Variants in SLC35C1 observed in about 807,000 individuals in gnomAD.
The protein encoded by SLC35C1 is GDP-fucose transporter 1.
A neutral mutation model predicts 23.2 loss-of-function variants in SLC35C1; 8 were observed. The ratio of observed to expected loss-of-function variants is 0.35; its 90% CI spans 0.20 to 0.62. The LOEUF (loss-of-function observed/expected upper bound fraction) is 0.62, where lower values mean the gene tolerates loss of function less well. Among genes scored for constraint, SLC35C1 ranks in the 20% least tolerant of loss-of-function variants. The probability of loss-of-function intolerance (pLI) is 0.75; values close to 1 mark genes in which losing one functional copy is unlikely to be tolerated. For synonymous variants in SLC35C1, 226 were observed against 225.1 expected (o/e 1.00, Z -0.04); for missense variants, 422 against 478.6 (o/e 0.88, Z 1.10).
Position 45,811,664 on chromosome 11 carries a change from C to T in SLC35C1, c.*329C>T, listed in dbSNP as rs1339109049. On this transcript the variant is annotated 3_prime_UTR_variant, in exon 2 of 2. Coordinates refer to ENST00000314134, the MANE Select transcript of SLC35C1 (RefSeq NM_018389.5). ...TCTGCCTCCAGGGCCTGTCTGCCTC[C>T]ACATCACTCTGAGGACAGGGACAGG... is the stretch of plus-strand genomic sequence containing the variant. The T allele has an allele frequency of 1.1e-5, 3 of 261,810 alleles. No individual in the cohort carries two copies. Among genetic ancestry groups the T allele is most frequent in the Non-Finnish European group, 2.2e-5 (3 of 136,674 alleles). 16.2% of individuals were successfully genotyped at this position (261,810 alleles called of 1,614,324 possible).
At position 45,811,623 on chromosome 11, in the gene SLC35C1, A is replaced by T; in HGVS notation, c.*288A>T. 2.9e-6 allele frequency: 1 copy of T among 350,014 alleles called. No homozygotes were observed. The highest frequency in any genetic ancestry group is 4.5e-5 in the East Asian group (1 of 22,124). The allele number at this position is 350,014 out of a possible 1,614,324, so 21.7% of individuals were successfully genotyped here. On this transcript the variant is annotated 3_prime_UTR_variant, in exon 2 of 2. Transcript: ENST00000314134. ...CTTCCCGAGGGAGCACCCTAGTGAG[A>T]GTTGAACCCCTTCCTTCTGCCTCCA...
intron 1 of SLC35C1, chr11:45,807,043 G>C (rs747339873): frequency 6.1e-6 from 2 of 330,384 alleles, no homozygotes; most frequent in Admixed American, 6.5e-5. Flanking sequence ...CATCTCCTTT[G>C]TTCTCCCAGA....
chr11:45,804,768 A>G, upstream of SLC35C1: 1 of 985,598 alleles, frequency 1.0e-6, no homozygotes. Flanking sequence ...CTGCAACGCG[A>G]GTCTCCGGAG....
In SLC35C1 at chr11:45,810,671, G is replaced by A. The variant is rs573486824; in HGVS notation, c.536-105G>A. The stretch of plus-strand genomic sequence containing the variant: ...GGCCTGGGGAGGAACGGGGAGGGCC[G>A]CAATACTCAGTCTGTGAAATTTGGT... On this transcript the variant is annotated intron_variant, in intron 1 of 1. Transcript: ENST00000314134. 6.7e-6 allele frequency: 10 copies of A among 1,482,988 alleles called. No individual in the cohort carries two copies. The African/African-American group carries it at 6.9e-5, about 10-fold the overall frequency. The allele number at this position is 1,482,988 out of a possible 1,614,324, so 91.9% of individuals were successfully genotyped here.
rs1274130025 is a variant in SLC35C1 at position 45,811,983 on chromosome 11, G to C, written c.*648G>C. The C allele has an allele frequency of 6.3e-6, 1 of 157,772 alleles. No individual in the cohort carries two copies. The highest frequency in any genetic ancestry group is 6.0e-5 in the Admixed American group (1 of 16,642). The allele number at this position is 157,772 out of a possible 1,614,324, so 9.8% of individuals were successfully genotyped here. ...TGCTCACCATCTATACACCCTGTAT[G>C]TCCAGCTTTTGAACACAAGGGAACC... On this transcript the variant is annotated 3_prime_UTR_variant, in exon 2 of 2. Coordinates refer to ENST00000314134, the MANE Select transcript of SLC35C1 (RefSeq NM_018389.5).
intron 1 of SLC35C1, among the ~76,000 whole-genome samples, chr11:45,807,856 A>G (rs2085894229): frequency 6.6e-6 from 1 of 152,160 alleles, no homozygotes; most frequent in African/African-American, 2.4e-5. Context: ...TGTCCTCCTC[A>G]GATGCCCCAG....
Position 45,811,427 on chromosome 11 carries a change from C to T in SLC35C1, c.*92C>T, listed in dbSNP as rs2134599274. ...AAGGCGGTCTCCTGGACCCCAGAAG[C>T]GTGCTGTGGTGTGGACTGGGTGCTA... is the stretch of plus-strand genomic sequence containing the variant. On this transcript the variant is annotated 3_prime_UTR_variant, in exon 2 of 2. Transcript: ENST00000314134. 4 of 1,121,068 alleles carry T rather than the reference C, an allele frequency of 3.6e-6. No individual in the cohort carries two copies. Among genetic ancestry groups the T allele is most frequent in the Admixed American group, 2.9e-5 (1 of 34,502 alleles). The allele number at this position is 1,121,068 out of a possible 1,614,324, so 69.4% of individuals were successfully genotyped here.
chr11:45,810,674 A>G (rs2085928866), intron 1 of SLC35C1, 102 bp from the exon 2 acceptor site: 1 of 1,491,742 alleles, frequency 6.7e-7, no homozygotes, highest in African/African-American at 1.4e-5. Context: ...GAGGGCCGCA[A>G]TACTCAGTCT....
rs2085856333 is a variant in SLC35C1 at position 45,805,262 on chromosome 11, C to T, written c.-540C>T. On this transcript the variant is annotated 5_prime_UTR_variant, in exon 1 of 2. Coordinates refer to ENST00000314134, the MANE Select transcript of SLC35C1 (RefSeq NM_018389.5). ...TCCTTCAGCCCCAAGCCCCGAGCCC[C>T]TCTGACCCTTCCGCAGCCCTCCCTC... 7.7e-6 allele frequency: 8 copies of T among 1,039,084 alleles called. No individual in the cohort carries two copies. In the South Asian group the frequency reaches 2.3e-4, roughly 29 times the overall value. 64.4% of individuals were successfully genotyped at this position (1,039,084 alleles called of 1,614,324 possible). A position where few individuals can be genotyped will look rare whatever the true frequency, so the allele number is the denominator to read the frequency against.
chr11:45,806,988 T>G, intron 1 of SLC35C1: 1 of 684,422 alleles, frequency 1.5e-6, no homozygotes, highest in Non-Finnish European at 1.8e-6. Context: ...CCTCAGAAAA[T>G]AATAATTATT....
Position 45,812,582 on chromosome 11 carries a change from A to G in SLC35C1, c.*1247A>G, listed in dbSNP as rs1206949026. On this transcript the variant is annotated 3_prime_UTR_variant, in exon 2 of 2. Coordinates refer to ENST00000314134, the MANE Select transcript of SLC35C1 (RefSeq NM_018389.5). ...GCCTTCTCGCTGTATCCTCAATGGT[A>G]GAAGCACAAACAAGCAAGCTCCTTC... 4.4e-6 allele frequency: 2 copies of G among 456,042 alleles called. No homozygotes were observed. The highest frequency in any genetic ancestry group is 8.8e-6 in the Non-Finnish European group (2 of 226,780). 28.2% of individuals were successfully genotyped at this position (456,042 alleles called of 1,614,324 possible). A position where few individuals can be genotyped will look rare whatever the true frequency, so the allele number is the denominator to read the frequency against.
chr11:45,811,345 G>A lies in SLC35C1; in HGVS notation c.*10G>A, dbSNP rs2085946211. 1 of 1,497,626 alleles carries A rather than the reference G, an allele frequency of 6.7e-7. No homozygotes were observed. Among genetic ancestry groups the A allele is most frequent in the Admixed American group, 2.4e-5 (1 of 42,530 alleles). The allele number at this position is 1,497,626 out of a possible 1,614,324, so 92.8% of individuals were successfully genotyped here. On this transcript the variant is annotated 3_prime_UTR_variant, in exon 2 of 2. Transcript: ENST00000314134. ...CGCCATGGGGGTGTGAGCACCACAG[G>A]CACCCTGGATGGCCCGGCCCCGGGG...
rs2085858494 is a variant in SLC35C1, at chr11:45,805,398, G to C, written c.-404G>C. On this transcript the variant is annotated 5_prime_UTR_variant, in exon 1 of 2. Transcript: ENST00000314134. ...TCGGCACCTCTTCCCACTCTGCCACGCGTCCTTTTCCTGCACCTTCGCCCC... is the reference window on the plus strand; with the variant it reads ...TCGGCACCTCTTCCCACTCTGCCACCCGTCCTTTTCCTGCACCTTCGCCCC... 2 of 963,378 alleles carry C rather than the reference G, an allele frequency of 2.1e-6. No individual in the cohort carries two copies. Among genetic ancestry groups the C allele is most frequent in the African/African-American group, 2.1e-5 (1 of 47,670 alleles). 59.7% of individuals were successfully genotyped at this position (963,378 alleles called of 1,614,324 possible).
In SLC35C1 at chr11:45,807,135, T is replaced by A. The variant is rs113568913; in HGVS notation, c.535+799T>A. ...TGAGGCTCAGAGATGTTACATTACT[T>A]GCCCACGGCCACACAGCTAGCAAGC... On this transcript the variant is annotated intron_variant, in intron 1 of 1. Coordinates refer to ENST00000314134, the MANE Select transcript of SLC35C1 (RefSeq NM_018389.5). Among the ~76,000 whole-genome samples the A allele has an allele frequency of 1.6e-3, 239 of 152,260 alleles. 2 individuals are homozygous for A. Among genetic ancestry groups the A allele is most frequent in the African/African-American group, 4.7e-3 (196 of 41,552 alleles).
rs1251068718 is a variant in SLC35C1 at position 45,811,508 on chromosome 11, T to TA, written c.*174dup. ...AGAAGGAACCAGTGTTTACAAGTAATATCAGAAAGTTGAAGGAACCAGTGT... is the reference window on the plus strand; with the variant it reads ...AGAAGGAACCAGTGTTTACAAGTAATAATCAGAAAGTTGAAGGAACCAGTGT... On this transcript the variant is annotated 3_prime_UTR_variant, in exon 2 of 2. Coordinates refer to ENST00000314134, the MANE Select transcript of SLC35C1 (RefSeq NM_018389.5). 5.7e-6 allele frequency: 3 copies of TA among 521,758 alleles called. No homozygotes were observed. The highest frequency in any genetic ancestry group is 9.8e-6 in the Non-Finnish European group (3 of 304,968). The allele number at this position is 521,758 out of a possible 1,614,324, so 32.3% of individuals were successfully genotyped here.
chr11:45,810,985 C>T lies in SLC35C1; in HGVS notation c.745C>T (p.Leu249Phe), dbSNP rs1324726967. The T allele has an allele frequency of 2.5e-6, 4 of 1,612,780 alleles. No homozygotes were observed. In the African/African-American group the frequency reaches 5.3e-5, roughly 22 times the overall value. Reference sequence around the variant, plus strand: ...CCTCTTCCTGCCCCTGCTCCTGCTGCTCGGGGAGCTTCAGGCCCTGCGTGA... The same window carrying T: ...CCTCTTCCTGCCCCTGCTCCTGCTGTTCGGGGAGCTTCAGGCCCTGCGTGA... The part of the protein sequence containing the change: ...CILFLPLLLL[L>F]GELQALRDFA... Residue 249 changes from leucine to phenylalanine, a missense_variant, in exon 2 of 2, where the codon CTC (leucine) becomes TTC (phenylalanine). Transcript: ENST00000314134.
intron 1 of SLC35C1, 92 bp from the exon 2 acceptor site, chr11:45,810,684 T>C: frequency 6.6e-7 from 1 of 1,509,984 alleles, no homozygotes; most frequent in Non-Finnish European, 8.8e-7. Flanking sequence ...ATACTCAGTC[T>C]GTGAAATTTG....
At position 45,811,614 on chromosome 11, in the gene SLC35C1, C is replaced by T. The variant is rs2085949324; in HGVS notation, c.*279C>T. ...GTTTTTGTCCTTCCCGAGGGAGCAC[C>T]CTAGTGAGAGTTGAACCCCTTCCTT... On this transcript the variant is annotated 3_prime_UTR_variant, in exon 2 of 2. Transcript: ENST00000314134. 5.3e-6 allele frequency: 2 copies of T among 376,658 alleles called. No homozygotes were observed. Among genetic ancestry groups the T allele is most frequent in the East Asian group, 8.3e-5 (2 of 24,078 alleles). 23.3% of individuals were successfully genotyped at this position (376,658 alleles called of 1,614,324 possible).
At chr11:45,804,552 G>A (rs1055767496), upstream of SLC35C1, 1 of 985,590 alleles carries the variant, frequency 1.0e-6, no homozygotes. Flanking sequence ...TGGAATCTCG[G>A]ATCCGGGCCG....
Sources: allele counts gnomAD v4.1 joint callset (sites outside exome capture counted in the v4.1 genomes callset), GRCh38; gene constraint gnomAD v4.1.1; transcripts MANE v1.5; gene names NCBI Gene and HGNC (gene_info 2026-07-23, HGNC 2026-07-21).